The following ZFR2 variants were observed in gnomAD, a reference collection of about 807,000 sequenced individuals.
ZFR2 encodes the protein zinc finger RNA binding protein 2, also known as zinc finger RNA-binding protein 2.
ZFR2 carries 104 observed loss-of-function variants against 105.7 expected under a neutral mutation model. The observed-to-expected ratio is 0.98, with a 90% confidence interval of 0.84 to 1.16. ZFR2 has a LOEUF of 1.16. ZFR2 is among the 50% of genes most tolerant of loss of function. ZFR2 has a pLI of 0.00. For missense variants in ZFR2, 1,425 were observed against 1,355.5 expected (o/e 1.05, Z -0.80); for synonymous variants, 634 against 597.7 (o/e 1.06, Z -0.89).
chr19:3,805,827 A>T lies in ZFR2; in HGVS notation c.*122T>A. 1 of 1,179,334 alleles carries T rather than the reference A, an allele frequency of 8.5e-7. No individual in the cohort carries two copies. The highest frequency in any genetic ancestry group is 1.1e-6 in the Non-Finnish European group (1 of 881,668). 73.1% of individuals were successfully genotyped at this position (1,179,334 alleles called of 1,614,324 possible). On this transcript the variant is annotated 3_prime_UTR_variant, in exon 19 of 19. Transcript: ENST00000262961. ...CACAGGTGTTTTAAAGGAAACCTACAGAGCGTTACTCAAAAGGAAATGACC... is the reference window on the plus strand; with the variant it reads ...CACAGGTGTTTTAAAGGAAACCTACTGAGCGTTACTCAAAAGGAAATGACC...
chr19:3,819,247 G>A lies in ZFR2; in HGVS notation c.1741-12C>T. The A allele has an allele frequency of 6.6e-7, 1 of 1,516,076 alleles. No homozygotes were observed. The highest frequency in any genetic ancestry group is 1.3e-5 in the South Asian group (1 of 78,822). The allele number at this position is 1,516,076 out of a possible 1,614,324, so 93.9% of individuals were successfully genotyped here. On this transcript the variant is annotated splice_polypyrimidine_tract_variant and intron_variant, in intron 11 of 18. Transcript: ENST00000262961. ...GGCCGCCGCCCGGGCTGTGGGGAGA[G>A]GCCGCACGTGTCAAGGGTGGTCTGT...
At chr19:3,851,630 G>A (rs1341588737) in intron 1 of ZFR2, among the ~76,000 whole-genome samples, 1 of 152,214 alleles carries the variant, frequency 6.6e-6, no homozygotes, top group East Asian at 1.9e-4. Flanking sequence ...TTTAGGGGAG[G>A]AAGGGAGGGG....
At chr19:3,806,673 A>G (rs532614304) in intron 18 of ZFR2, among the ~76,000 whole-genome samples, 7 of 152,314 alleles carry the variant, frequency 4.6e-5, no homozygotes, top group Admixed American at 3.3e-4. Flanking sequence ...TCCACTGACC[A>G]CCAGCTCTTT....
intron 1 of ZFR2, among the ~76,000 whole-genome samples, chr19:3,836,911 C>T (rs944473225): frequency 1.3e-5 from 2 of 152,178 alleles, no homozygotes; most frequent in South Asian, 2.1e-4. Context: ...AGCCCAATAC[C>T]GCTATGGATA....
At chr19:3,861,787 G>A (rs775533735) in intron 1 of ZFR2, among the ~76,000 whole-genome samples, 1 of 152,122 alleles carries the variant, frequency 6.6e-6, no homozygotes, top group Non-Finnish European at 1.5e-5. Context: ...TTGGCTGGGC[G>A]TGGTGGTGCA....
intron 1 of ZFR2, among the ~76,000 whole-genome samples, chr19:3,868,383 G>A (rs553100841): frequency 1.4e-4 from 20 of 142,034 alleles, no homozygotes; most frequent in African/African-American, 5.4e-4. Flanking sequence ...CCCCGCAATC[G>A]GGGGTCAATG....
chr19:3,831,249 A>C, intron 5 of ZFR2, 54 bp downstream of exon 5: 1 of 1,440,624 alleles, frequency 6.9e-7, no homozygotes. Context: ...TCGGGTTCAG[A>C]CGTTGGGGAC....
intron 12 of ZFR2, among the ~76,000 whole-genome samples, chr19:3,817,507 C>T (rs528820728): frequency 1.3e-5 from 2 of 149,964 alleles, no homozygotes; most frequent in East Asian, 3.9e-4. Context: ...TGCAGTGAGC[C>T]GAGATTGTGT....
At chr19:3,851,708 C>A (rs35107765) in intron 1 of ZFR2, 66,888 of 152,450 alleles carry the variant, frequency 0.44, 15,521 homozygotes, top group East Asian at 0.54. Context: ...TTTGTACAGT[C>A]CCAAGCTAAG....
intron 14 of ZFR2, among the ~76,000 whole-genome samples, 182 bp from the exon 15 acceptor site, chr19:3,811,548 G>A (rs912952154): frequency 6.6e-6 from 1 of 151,850 alleles, no homozygotes; most frequent in African/African-American, 2.4e-5. Flanking sequence ...TCTGTCTCCG[G>A]GGTTCAAGTG....
chr19:3,868,217 C>A (rs1483798782), intron 1 of ZFR2, among the ~76,000 whole-genome samples: 1 of 149,858 alleles, frequency 6.7e-6, no homozygotes, highest in Non-Finnish European at 1.5e-5. Flanking sequence ...CATCAGGGGC[C>A]AATTCCTCAC....
intron 1 of ZFR2, among the ~76,000 whole-genome samples, chr19:3,846,920 G>A (rs563026265): frequency 1.3e-5 from 2 of 152,336 alleles, no homozygotes; most frequent in South Asian, 4.1e-4. Context: ...CTGTGTCTGT[G>A]GATCAGGAAT....
At chr19:3,841,091 G>T (rs1241853575) in intron 1 of ZFR2, among the ~76,000 whole-genome samples, 1 of 152,182 alleles carries the variant, frequency 6.6e-6, no homozygotes, top group Non-Finnish European at 1.5e-5. Flanking sequence ...CCCATCTCTG[G>T]CTCTACACCA....
chr19:3,811,781 G>C (rs965740762), intron 14 of ZFR2, among the ~76,000 whole-genome samples: 3 of 151,216 alleles, frequency 2.0e-5, no homozygotes, highest in Admixed American at 6.6e-5. Context: ...CGTATTTAGA[G>C]ACAGGGTCTC....
intron 8 of ZFR2, among the ~76,000 whole-genome samples, chr19:3,822,441 T>G (rs946777754): frequency 1.3e-5 from 2 of 150,760 alleles, no homozygotes; most frequent in African/African-American, 4.9e-5. Context: ...GCCTCCCGAG[T>G]AGCTGGGACC....
chr19:3,841,732 G>A (rs2038134975), intron 1 of ZFR2, among the ~76,000 whole-genome samples: 1 of 151,934 alleles, frequency 6.6e-6, no homozygotes, highest in Non-Finnish European at 1.5e-5. Context: ...TTGAGCCCAG[G>A]AGTTTGAGGC....
Position 3,834,374 on chromosome 19 carries a change from G to A in ZFR2, c.264+399C>T, listed in dbSNP as rs532992412. Among the ~76,000 whole-genome samples, 187 of 152,268 alleles carry A rather than the reference G, an allele frequency of 1.2e-3. 1 individual carries two copies. Among genetic ancestry groups the A allele is most frequent in the Non-Finnish European group, 1.8e-3 (120 of 68,016 alleles). ...CTCCCTCTTAGAAGGTAGGAATCTG[G>A]AGCGTGGGGAAGGTGGGGTGAGTCC... On this transcript the variant is annotated intron_variant, in intron 2 of 18. Coordinates refer to ENST00000262961, the MANE Select transcript of ZFR2 (RefSeq NM_015174.2). The surrounding 1 kb of genome is among the most constrained non-coding windows in gnomAD (Gnocchi z 5.3).
chr19:3,846,943 TC>T (rs1363539086), intron 1 of ZFR2, among the ~76,000 whole-genome samples: 2 of 152,340 alleles, frequency 1.3e-5, no homozygotes, highest in East Asian at 3.9e-4. Context: ...GGGACGGGCT[TC>T]GGGCTTCTGG....
chr19:3,817,990 C>T (rs559230324), intron 12 of ZFR2, among the ~76,000 whole-genome samples: 11 of 152,270 alleles, frequency 7.2e-5, no homozygotes, highest in East Asian at 3.9e-4. Context: ...AGGGCGGGCA[C>T]GCATGGGTGC....
Sources: gnomAD v4.1 joint callset for allele counts (sites outside exome capture counted in the v4.1 genomes callset) on GRCh38, gnomAD v4.1.1 for gene constraint, Gnocchi (gnomAD v3.1) non-coding constraint, MANE v1.5 for transcripts, NCBI Gene and HGNC (gene_info 2026-07-23, HGNC 2026-07-21) for gene names.